The following ALK variants were observed in gnomAD, a reference collection of about 807,000 sequenced individuals.
ALK encodes the protein ALK tyrosine kinase receptor.
ALK carries 74 observed loss-of-function variants against 163.1 expected under a neutral mutation model. The ratio of observed to expected loss-of-function variants is 0.45; its 90% confidence interval spans 0.38 to 0.55. ALK has a LOEUF of 0.55. Among genes scored for constraint, ALK ranks in the 20% least tolerant of loss-of-function variants. ALK has a pLI of 0.00. For missense variants in ALK, 2,063 were observed against 2,105.3 expected (o/e 0.98, Z 0.39); for synonymous variants, 960 against 843.2 (o/e 1.14, Z -2.40).
chr2:29,617,534 C>T (rs776716343), intron 3 of ALK, among the ~76,000 whole-genome samples: 1 of 152,322 alleles, frequency 6.6e-6, no homozygotes, highest in Non-Finnish European at 1.5e-5. Flanking sequence ...ACCTAGTGAG[C>T]ACCCAGTGCT....
In ALK at chr2:29,541,380, C is replaced by T. The variant is rs141944095; in HGVS notation, c.953-9264G>A. On this transcript the variant is annotated intron_variant, in intron 3 of 28. Transcript: ENST00000389048. ...CCATCTCAGTTCACTGTAACCTCTGCCATGAAGGTTCAAGCAATTCTCCTG... is the reference window on the plus strand; with the variant it reads ...CCATCTCAGTTCACTGTAACCTCTGTCATGAAGGTTCAAGCAATTCTCCTG... 7.2e-5 allele frequency among the ~76,000 whole-genome samples: 11 copies of T among 152,302 alleles called. No individual in the cohort carries two copies. The East Asian group carries it at 1.7e-3, about 24-fold the overall frequency.
intron 1 of ALK, among the ~76,000 whole-genome samples, chr2:29,768,070 G>A (rs1680912700): frequency 1.3e-5 from 2 of 152,172 alleles, no homozygotes; most frequent in Admixed American, 1.3e-4. Flanking sequence ...AATGAAGGTG[G>A]ATATCGGCTG....
chr2:29,773,747 A>G (rs1186305280), intron 1 of ALK, among the ~76,000 whole-genome samples: 1 of 152,210 alleles, frequency 6.6e-6, no homozygotes, highest in South Asian at 2.1e-4. Context: ...CAACTTCCCT[A>G]TGAAATTCTA....
intron 5 of ALK, among the ~76,000 whole-genome samples, chr2:29,354,309 G>A (rs1476423646): frequency 3.9e-5 from 6 of 152,152 alleles, no homozygotes; most frequent in East Asian, 1.9e-4. Context: ...GAAGGGAAGC[G>A]CTTTCACAAG....
intron 4 of ALK, among the ~76,000 whole-genome samples, chr2:29,401,349 G>C (rs887346401): frequency 5.9e-5 from 9 of 152,116 alleles, no homozygotes; most frequent in Non-Finnish European, 1.3e-4. Flanking sequence ...TTTCCCAAAA[G>C]CACCACAGGA....
chr2:29,874,868 A>T (rs1383358193), intron 1 of ALK, among the ~76,000 whole-genome samples: 2 of 152,146 alleles, frequency 1.3e-5, no homozygotes, highest in Non-Finnish European at 2.9e-5. Context: ...CATCAAGTGA[A>T]CTTCCTTATC....
intron 3 of ALK, among the ~76,000 whole-genome samples, chr2:29,626,984 C>T (rs576483185): frequency 6.6e-6 from 1 of 152,090 alleles, no homozygotes; most frequent in African/African-American, 2.4e-5. Context: ...TCCAAACCAC[C>T]TGAAATCTGC....
chr2:29,379,816 G>C (rs1362437781), intron 5 of ALK, among the ~76,000 whole-genome samples: 1 of 152,148 alleles, frequency 6.6e-6, no homozygotes, highest in African/African-American at 2.4e-5. Context: ...GAAGAATATA[G>C]AAAGAATAAG....
intron 8 of ALK, among the ~76,000 whole-genome samples, chr2:29,298,274 G>A (rs547552073): frequency 6.6e-6 from 1 of 152,194 alleles, no homozygotes; most frequent in African/African-American, 2.4e-5. Context: ...CATATCCTGG[G>A]TAGCAAATAT....
intron 3 of ALK, among the ~76,000 whole-genome samples, chr2:29,678,378 A>G (rs1191670295): frequency 1.3e-5 from 2 of 151,824 alleles, no homozygotes; most frequent in Non-Finnish European, 2.9e-5. Context: ...TTCTTAAAAT[A>G]AAAACTTAGG....
chr2:29,896,809 T>C (rs1357750606), intron 1 of ALK, among the ~76,000 whole-genome samples: 2 of 152,134 alleles, frequency 1.3e-5, no homozygotes, highest in Admixed American at 6.5e-5. Flanking sequence ...TAAAAGTTCA[T>C]TGTAAGAAGA....
intron 1 of ALK, among the ~76,000 whole-genome samples, chr2:29,782,812 C>G (rs1286908037): frequency 1.3e-5 from 2 of 152,168 alleles, no homozygotes; most frequent in African/African-American, 4.8e-5. Flanking sequence ...TGCCTCTCAT[C>G]TCACCTTTCA....
intron 3 of ALK, among the ~76,000 whole-genome samples, chr2:29,571,865 C>T (rs1029469919): frequency 3.9e-5 from 6 of 152,178 alleles, no homozygotes; most frequent in East Asian, 3.9e-4. Flanking sequence ...CCACCTGCCT[C>T]GGCCTCCCAA....
chr2:29,584,353 G>A (rs1479327950), intron 3 of ALK, among the ~76,000 whole-genome samples: 2 of 152,172 alleles, frequency 1.3e-5, no homozygotes, highest in African/African-American at 4.8e-5. Flanking sequence ...AAAGTTAATG[G>A]TTGGTTCATC....
At chr2:29,390,832 A>G (rs1253749996) in intron 4 of ALK, among the ~76,000 whole-genome samples, 2 of 152,230 alleles carry the variant, frequency 1.3e-5, no homozygotes, top group Non-Finnish European at 2.9e-5. Context: ...ATTTTCTGTA[A>G]TAATAATTAC....
chr2:29,791,187 T>A (rs1572382102), intron 1 of ALK, among the ~76,000 whole-genome samples: 1 of 152,294 alleles, frequency 6.6e-6, no homozygotes, highest in East Asian at 1.9e-4. Context: ...ACACATATGT[T>A]TATTGCAGCA....
chr2:29,477,940 C>T (rs1671566947), intron 4 of ALK, among the ~76,000 whole-genome samples: 1 of 152,180 alleles, frequency 6.6e-6, no homozygotes, highest in African/African-American at 2.4e-5. Context: ...GGCACTTCTG[C>T]CAGCAGATAA....
intron 2 of ALK, among the ~76,000 whole-genome samples, chr2:29,716,393 T>C (rs1479748942): frequency 1.3e-5 from 2 of 152,222 alleles, no homozygotes; most frequent in Non-Finnish European, 2.9e-5. Context: ...GTGTCTGTCC[T>C]TATGGTGTTC....
intron 3 of ALK, among the ~76,000 whole-genome samples, chr2:29,635,225 TG>T (rs753186276): frequency 2.0e-5 from 3 of 152,180 alleles, no homozygotes; most frequent in Non-Finnish European, 4.4e-5. Flanking sequence ...TATATAGGTT[TG>T]TAACAGGATG....
Sources: gnomAD v4.1 joint callset for allele counts (sites outside exome capture counted in the v4.1 genomes callset) on GRCh38, gnomAD v4.1.1 for gene constraint, MANE v1.5 for transcripts, NCBI Gene and HGNC (gene_info 2026-07-23, HGNC 2026-07-21) for gene names.